Variants in PEAK1 observed in about 807,000 individuals in gnomAD.
PEAK1 encodes pseudopodium enriched atypical kinase 1, also known as inactive tyrosine-protein kinase PEAK1.
A neutral mutation model predicts 124.7 loss-of-function variants in PEAK1; 54 were observed. The observed-to-expected ratio is 0.43, with a 90% CI of 0.35 to 0.54. The LOEUF is 0.54. Ranked by LOEUF, PEAK1 falls within the 20% of genes least tolerant of loss-of-function variation. The pLI, the probability that PEAK1 is intolerant of heterozygous loss-of-function variation, is 0.01. For synonymous variants in PEAK1, 719 were observed against 760.0 expected (o/e 0.95, Z 0.89); for missense variants, 2,046 against 2,134.5 (o/e 0.96, Z 0.82).
chr15:77,351,119 G>C (rs1389352658), intron 2 of PEAK1: 1 of 179,158 alleles, frequency 5.6e-6, no homozygotes. Context: ...ATAACAACAT[G>C]TATACAAACC....
At chr15:77,416,957 T>C (rs571979666) in intron 1 of PEAK1, among the ~76,000 whole-genome samples, 2 of 150,972 alleles carry the variant, frequency 1.3e-5, no homozygotes, top group East Asian at 1.9e-4. Context: ...ATATGTAACA[T>C]ATTTGTGGCT....
In PEAK1 at chr15:77,179,133, A is replaced by G. The variant is rs1293208470; in HGVS notation, c.2794T>C (p.Phe932Leu). 1 of 1,614,012 alleles carries G rather than the reference A, an allele frequency of 6.2e-7. No individual in the cohort carries two copies. The highest frequency in any genetic ancestry group is 8.5e-7 in the Non-Finnish European group (1 of 1,180,026). The change falls in exon 7 of 10, where the codon TTC becomes CTC. Residue 932 changes from phenylalanine to leucine, a missense_variant. Phe to Leu is a conservative substitution (Grantham distance 22). Coordinates refer to ENST00000682557, the MANE Select transcript of PEAK1 (RefSeq NM_001385026.1). ...TCCTCATCTGTTTTCCGACGGCGGA[A>G]GAAGCTTTTAAATGATATCCAGCGC... The part of the protein sequence containing the change: ...PKRWISFKSF[F>L]RRRKTDEEDD...
intron 7 of PEAK1, among the ~76,000 whole-genome samples, chr15:77,167,785 C>T (rs990974484): frequency 6.6e-6 from 1 of 151,978 alleles, no homozygotes; most frequent in African/African-American, 2.4e-5. Context: ...ACATGCACAA[C>T]GTGCAGATTT....
chr15:77,364,618 G>A (rs944059237), intron 2 of PEAK1, among the ~76,000 whole-genome samples: 3 of 152,186 alleles, frequency 2.0e-5, no homozygotes, highest in South Asian at 2.1e-4. Context: ...ACGGGAAAAG[G>A]CTATGATCCT....
intron 1 of PEAK1, among the ~76,000 whole-genome samples, chr15:77,411,115 G>A (rs1028117046): frequency 2.0e-5 from 3 of 151,688 alleles, no homozygotes; most frequent in African/African-American, 7.3e-5. Flanking sequence ...GATGATAAAT[G>A]TGAATGTCTA....
At chr15:77,365,317 A>G in intron 1 of PEAK1, 92 bp from the exon 2 acceptor site, 1 of 379,388 alleles carries the variant, frequency 2.6e-6, no homozygotes, top group Non-Finnish European at 3.6e-6. Flanking sequence ...CCCTAACTTG[A>G]TCATTTACCT....
intron 6 of PEAK1, among the ~76,000 whole-genome samples, chr15:77,246,365 CA>C (rs1485270399): frequency 4.6e-5 from 7 of 151,818 alleles, no homozygotes; most frequent in Non-Finnish European, 7.4e-5. Context: ...AGAGAGCTGA[CA>C]TCTTAATATT....
chr15:77,292,376 T>C (rs2063266109), intron 2 of PEAK1, among the ~76,000 whole-genome samples: 1 of 152,198 alleles, frequency 6.6e-6, no homozygotes, highest in Non-Finnish European at 1.5e-5. Flanking sequence ...GAGAGAAGCT[T>C]ACTTAACATA....
chr15:77,155,920 T>C (rs972191389), intron 8 of PEAK1: 1 of 153,112 alleles, frequency 6.5e-6, no homozygotes, highest in African/African-American at 2.4e-5. Flanking sequence ...TACTGGGGGA[T>C]GCCTCCCAGT....
In PEAK1 at chr15:77,181,762, G is replaced by C; in HGVS notation, c.165C>G (p.Ile55Met). Residue 55 changes from isoleucine to methionine, a missense_variant, in exon 7 of 10, where the codon ATC becomes ATG. Coordinates refer to ENST00000682557, the MANE Select transcript of PEAK1 (RefSeq NM_001385026.1). Reference protein sequence around the residue: ...TNANHSNNHRIRNTGNFRPPV... With the variant: ...TNANHSNNHRMRNTGNFRPPV... ...GAGGCCGGAAATTGCCCGTGTTCCTGATGCGGTGGTTGTTACTGTGATTGG... is the reference window on the plus strand; with the variant it reads ...GAGGCCGGAAATTGCCCGTGTTCCTCATGCGGTGGTTGTTACTGTGATTGG... 1.2e-6 allele frequency: 2 copies of C among 1,614,132 alleles called. No individual in the cohort carries two copies. Among genetic ancestry groups the C allele is most frequent in the Non-Finnish European group, 1.7e-6 (2 of 1,180,012 alleles).
chr15:77,212,408 A>G (rs1045912587), intron 6 of PEAK1, among the ~76,000 whole-genome samples: 2 of 152,218 alleles, frequency 1.3e-5, no homozygotes, highest in African/African-American at 4.8e-5. Context: ...AAAATAAAAA[A>G]TTAGCCTTGC....
intron 5 of PEAK1, among the ~76,000 whole-genome samples, chr15:77,272,552 T>C (rs536445240): frequency 7.2e-4 from 110 of 152,226 alleles, no homozygotes; most frequent in African/African-American, 2.1e-3. Context: ...CCTCCTAGAT[T>C]AAACCAGGAA....
chr15:77,233,814 T>C (rs1391461077), intron 6 of PEAK1, among the ~76,000 whole-genome samples: 1 of 152,222 alleles, frequency 6.6e-6, no homozygotes, highest in Non-Finnish European at 1.5e-5. Flanking sequence ...ATAAAACATA[T>C]TTTTCTGAAA....
At position 77,113,346 on chromosome 15, in the gene PEAK1, A is replaced by G. The variant is rs1217172771; in HGVS notation, c.*810T>C. 2 of 152,292 alleles carry G rather than the reference A, an allele frequency of 1.3e-5. No homozygotes were observed. Among genetic ancestry groups the G allele is most frequent in the African/African-American group, 2.4e-5 (1 of 41,462 alleles). The allele number at this position is 152,292 out of a possible 1,614,324, so 9.4% of individuals were successfully genotyped here. A position where few individuals can be genotyped will look rare whatever the true frequency, so the allele number is the denominator to read the frequency against. On this transcript the variant is annotated 3_prime_UTR_variant, in exon 10 of 10. Transcript: ENST00000682557. ...TCTCCTCATGCCCTGCCAGCTATTTATAAGCTCTGAACTGCACTCCACCCT... is the reference window on the plus strand; with the variant it reads ...TCTCCTCATGCCCTGCCAGCTATTTGTAAGCTCTGAACTGCACTCCACCCT...
intron 1 of PEAK1, among the ~76,000 whole-genome samples, chr15:77,377,110 G>A (rs1172109068): frequency 1.3e-5 from 1 of 76,812 alleles, no homozygotes; most frequent in Non-Finnish European, 3.7e-5. Flanking sequence ...AGGGGCTGGG[G>A]GCAGTGGCTC....
chr15:77,394,545 G>C (rs2070742904), intron 1 of PEAK1, among the ~76,000 whole-genome samples: 1 of 152,158 alleles, frequency 6.6e-6, no homozygotes, highest in African/African-American at 2.4e-5. Flanking sequence ...ACCTCTATGG[G>C]TCTGCAAAAG....
At chr15:77,255,807 G>C (rs2061098352) in intron 5 of PEAK1, among the ~76,000 whole-genome samples, 1 of 152,142 alleles carries the variant, frequency 6.6e-6, no homozygotes, top group Non-Finnish European at 1.5e-5. Flanking sequence ...TTTCAATCCT[G>C]CTTCAGATAG....
chr15:77,416,817 CAT>C (rs2142185702), intron 1 of PEAK1, among the ~76,000 whole-genome samples: 1 of 152,228 alleles, frequency 6.6e-6, no homozygotes, highest in African/African-American at 2.4e-5. Context: ...ATGGAAATGT[CAT>C]ATTTCAATAT....
intron 1 of PEAK1, among the ~76,000 whole-genome samples, chr15:77,365,700 A>T (rs2068178082): frequency 6.7e-6 from 1 of 148,894 alleles, no homozygotes; most frequent in Admixed American, 6.9e-5. Flanking sequence ...AGGTCATGCC[A>T]CTGCACTGCA....
Sources: gnomAD v4.1 joint callset for allele counts (sites outside exome capture counted in the v4.1 genomes callset) on GRCh38, gnomAD v4.1.1 for gene constraint, MANE v1.5 for transcripts, NCBI Gene and HGNC (gene_info 2026-07-23, HGNC 2026-07-21) for gene names.